Variants in RANBP2 observed in about 807,000 individuals in gnomAD.
RANBP2 encodes RAN binding protein 2, also known as E3 SUMO-protein ligase RanBP2.
Under a neutral mutation model 303.6 loss-of-function variants are expected in RANBP2, and 57 were observed. The ratio of observed to expected loss-of-function variants is 0.19; its 90% CI spans 0.15 to 0.23. The LOEUF is 0.23. Ranked by LOEUF, RANBP2 falls within the 10% of genes least tolerant of loss-of-function variation. The probability of loss-of-function intolerance (pLI) is 1.00; values close to 1 mark genes in which losing one functional copy is unlikely to be tolerated. For missense variants in RANBP2, 3,138 were observed against 3,780.8 expected (o/e 0.83, Z 4.46); for synonymous variants, 1,167 against 1,301.5 (o/e 0.90, Z 2.23).
the RANBP2 span, among the ~76,000 whole-genome samples, chr2:109,410,595 G>T: frequency 2.0e-5 from 3 of 152,232 alleles, no homozygotes; most frequent in African/African-American, 7.2e-5. Context: ...CATCCTGCCC[G>T]AGGGAGGGAT....
the RANBP2 span, chr2:108,839,211 A>G: frequency 6.2e-7 from 1 of 1,612,048 alleles, no homozygotes; most frequent in Non-Finnish European, 8.5e-7. Context: ...CAGAGCAGCT[A>G]CAGTGGATGC....
intron 1 of RANBP2, among the ~76,000 whole-genome samples, chr2:108,723,639 G>GC (rs1192122602): frequency 6.6e-6 from 1 of 152,046 alleles, no homozygotes; most frequent in Non-Finnish European, 1.5e-5. Context: ...ACTTTGGTTT[G>GC]CCCCTCATTC....
chr2:109,015,998 C>T, the RANBP2 span, among the ~76,000 whole-genome samples: 1 of 152,224 alleles, frequency 6.6e-6, no homozygotes, highest in African/African-American at 2.4e-5. Context: ...GTATAGCACA[C>T]ATGGGGCATC....
the RANBP2 span, among the ~76,000 whole-genome samples, chr2:109,629,881 T>G: frequency 6.6e-6 from 1 of 152,008 alleles, no homozygotes; most frequent in Admixed American, 6.6e-5. Flanking sequence ...CCGCTAATAT[T>G]TATTAATTAA....
the RANBP2 span, among the ~76,000 whole-genome samples, chr2:109,463,503 C>G: frequency 9.2e-5 from 14 of 152,242 alleles, no homozygotes; most frequent in African/African-American, 3.4e-4. Flanking sequence ...TCCCCTCACA[C>G]ATCTGTTTCT....
At chr2:109,190,426 G>C in the RANBP2 span, among the ~76,000 whole-genome samples, 1 of 152,146 alleles carries the variant, frequency 6.6e-6, no homozygotes, top group Non-Finnish European at 1.5e-5. Context: ...CACCCGCCTC[G>C]GCCACCCAAA....
chr2:108,935,723 A>C, the RANBP2 span, among the ~76,000 whole-genome samples: 9 of 152,182 alleles, frequency 5.9e-5, no homozygotes, highest in African/African-American at 2.2e-4. Flanking sequence ...TTTATTCAAC[A>C]AAGAGCTGTG....
the RANBP2 span, chr2:109,567,814 C>T: frequency 6.3e-7 from 1 of 1,576,848 alleles, no homozygotes; most frequent in Non-Finnish European, 8.6e-7. Context: ...CAGGAGCTCA[C>T]ATTCATTGCA....
the RANBP2 span, chr2:109,432,513 C>G: frequency 1.9e-6 from 3 of 1,613,460 alleles, no homozygotes; most frequent in Non-Finnish European, 1.7e-6. Context: ...ACCTGGCGCT[C>G]TACGCCTACA....
chr2:109,068,847 G>C, the RANBP2 span, among the ~76,000 whole-genome samples: 1 of 152,210 alleles, frequency 6.6e-6, no homozygotes, highest in Non-Finnish European at 1.5e-5. Context: ...CAAAATGCTT[G>C]TAAGTACTAA....
chr2:109,237,350 A>G, the RANBP2 span, among the ~76,000 whole-genome samples: 1 of 152,232 alleles, frequency 6.6e-6, no homozygotes, highest in South Asian at 2.1e-4. Context: ...CACATTGAAA[A>G]AAAATGTTGT....
the RANBP2 span, among the ~76,000 whole-genome samples, chr2:109,212,468 A>G: frequency 1.3e-5 from 2 of 152,214 alleles, no homozygotes; most frequent in African/African-American, 2.4e-5. Flanking sequence ...TTTGTTAGCA[A>G]CCATCCTGAC....
the RANBP2 span, among the ~76,000 whole-genome samples, chr2:109,471,574 T>C: frequency 6.6e-6 from 1 of 152,194 alleles, no homozygotes; most frequent in Admixed American, 6.5e-5. Flanking sequence ...TATCAGTCAG[T>C]GGCAAAATTC....
At chr2:108,844,817 G>A in the RANBP2 span, among the ~76,000 whole-genome samples, 1 of 147,920 alleles carries the variant, frequency 6.8e-6, no homozygotes, top group Non-Finnish European at 1.5e-5. Context: ...GCACGATCTC[G>A]GCTCACTGCA....
chr2:109,059,185 C>T, the RANBP2 span, among the ~76,000 whole-genome samples: 12 of 152,226 alleles, frequency 7.9e-5, no homozygotes, highest in South Asian at 2.5e-3. Flanking sequence ...GAAACAGAGG[C>T]CCCTCTACTG....
intron 24 of RANBP2, 135 bp from the exon 25 acceptor site, chr2:108,776,995 G>A (rs1392085037): frequency 1.4e-6 from 1 of 703,428 alleles, no homozygotes; most frequent in African/African-American, 1.8e-5. Context: ...GATGTATTTT[G>A]TAACTTGACA....
the RANBP2 span, among the ~76,000 whole-genome samples, chr2:109,165,870 C>T: frequency 6.6e-6 from 1 of 152,190 alleles, no homozygotes; most frequent in Non-Finnish European, 1.5e-5. Context: ...CTACGTGTGC[C>T]CAGGCTGGAT....
At chr2:109,215,003 GA>G in the RANBP2 span, among the ~76,000 whole-genome samples, 2 of 152,230 alleles carry the variant, frequency 1.3e-5, no homozygotes, top group Non-Finnish European at 2.9e-5. Context: ...GGCAGAGTAA[GA>G]TCTCAAATAA....
At chr2:108,954,731 A>T in the RANBP2 span, among the ~76,000 whole-genome samples, 1 of 151,418 alleles carries the variant, frequency 6.6e-6, no homozygotes, top group Non-Finnish European at 1.5e-5. Context: ...GCTGGAGTGC[A>T]ATGGCGTGAT....
Sources: gnomAD v4.1 joint callset for allele counts (sites outside exome capture counted in the v4.1 genomes callset) on GRCh38, gnomAD v4.1.1 for gene constraint, MANE v1.5 for transcripts, NCBI Gene and HGNC (gene_info 2026-07-23, HGNC 2026-07-21) for gene names.